DENND5B: variants seen among roughly 807,000 people sequenced by gnomAD.
DENND5B encodes the protein DENN domain-containing protein 5B.
In DENND5B, 34 loss-of-function variants were observed where a neutral mutation model predicts 140.6. That is an observed-to-expected ratio of 0.24 (90% CI 0.18 to 0.32). DENND5B has a LOEUF of 0.32. DENND5B is among the 10% of genes least tolerant of loss of function. The probability of loss-of-function intolerance (pLI) is 1.00; values close to 1 mark genes in which losing one functional copy is unlikely to be tolerated. For missense variants in DENND5B, 1,142 were observed against 1,560.2 expected (o/e 0.73, Z 4.52); for synonymous variants, 551 against 562.1 (o/e 0.98, Z 0.28).
At chr12:31,399,601 A>T in intron 16 of DENND5B, 53 bp downstream of exon 16, 1 of 1,431,178 alleles carries the variant, frequency 7.0e-7, no homozygotes, top group Non-Finnish European at 9.7e-7. Flanking sequence ...ACCTTTTCTT[A>T]CCTGAAGAGT....
In DENND5B at chr12:31,494,207, CCTACCTACCTACCTCTACCT is replaced by C. The variant is rs1565635640; in HGVS notation, c.237+1583_237+1602del. Among the ~76,000 whole-genome samples, 5 of 75,000 alleles carry C rather than the reference CCTACCTACCTACCTCTACCT, an allele frequency of 6.7e-5. No homozygotes were observed. In the East Asian group the frequency reaches 1.4e-3, roughly 21 times the overall value. 49.2% of individuals were successfully genotyped at this position (75,000 alleles called of 152,430 possible). On this transcript the variant is annotated intron_variant, in intron 2 of 20. Transcript: ENST00000389082. ...ATCCATCCATCCATCCATCCACCTACCTACCTACCTACCTCTACCTACCTACCTACCTACCTACCTACCTA... is the reference window on the plus strand; with the variant it reads ...ATCCATCCATCCATCCATCCACCTACACCTACCTACCTACCTACCTACCTA...
intron 1 of DENND5B, among the ~76,000 whole-genome samples, chr12:31,573,568 T>C (rs1214790088): frequency 6.6e-6 from 1 of 152,262 alleles, no homozygotes; most frequent in East Asian, 1.9e-4. Flanking sequence ...TGCTTAGAGA[T>C]TTCATTCCAG....
intron 1 of DENND5B, among the ~76,000 whole-genome samples, chr12:31,527,724 G>C (rs976884872): frequency 2.0e-5 from 3 of 152,092 alleles, no homozygotes; most frequent in African/African-American, 7.2e-5. Flanking sequence ...GTTGCAGTGA[G>C]CTGAGATCAT....
intron 6 of DENND5B, 26 bp downstream of exon 6, chr12:31,447,512 T>A: frequency 6.4e-7 from 1 of 1,569,814 alleles, no homozygotes; most frequent in South Asian, 1.2e-5. Flanking sequence ...GATTTTAATT[T>A]AATTTAAAAG....
chr12:31,491,258 G>A (rs1469651348), intron 2 of DENND5B, among the ~76,000 whole-genome samples: 8 of 152,098 alleles, frequency 5.3e-5, no homozygotes, highest in Non-Finnish European at 1.2e-4. Flanking sequence ...TTTGAGACCA[G>A]CCTGGCCAAC....
At chr12:31,514,475 G>A (rs955262675) in intron 1 of DENND5B, among the ~76,000 whole-genome samples, 3 of 152,164 alleles carry the variant, frequency 2.0e-5, no homozygotes, top group African/African-American at 7.2e-5. Flanking sequence ...TACCTTGTTT[G>A]TACAAATTCT....
chr12:31,547,463 A>G (rs1948901285), intron 1 of DENND5B, among the ~76,000 whole-genome samples: 1 of 152,082 alleles, frequency 6.6e-6, no homozygotes, highest in Non-Finnish European at 1.5e-5. Context: ...CAGTGGCACA[A>G]TCTTGGCTCA....
chr12:31,470,076 T>C (rs1945474043), intron 3 of DENND5B, among the ~76,000 whole-genome samples: 1 of 150,334 alleles, frequency 6.7e-6, no homozygotes, highest in African/African-American at 2.4e-5. Context: ...GCCTCCCAAG[T>C]AGCTGGGACT....
chr12:31,580,855 C>T (rs1211276022), intron 1 of DENND5B, among the ~76,000 whole-genome samples: 3 of 152,112 alleles, frequency 2.0e-5, no homozygotes, highest in Non-Finnish European at 4.4e-5. Context: ...CCTGTAATCC[C>T]AGCACTTTGA....
chr12:31,572,232 A>T (rs1465167740), intron 1 of DENND5B, among the ~76,000 whole-genome samples: 4 of 152,082 alleles, frequency 2.6e-5, no homozygotes, highest in African/African-American at 9.7e-5. Context: ...CTCAAAAAAA[A>T]AAAGAAAAAA....
At chr12:31,544,079 G>A (rs1046704151) in intron 1 of DENND5B, among the ~76,000 whole-genome samples, 1 of 152,092 alleles carries the variant, frequency 6.6e-6, no homozygotes, top group African/African-American at 2.4e-5. Flanking sequence ...CACAAGAATC[G>A]CTTGAACCTG....
rs1941185781 is a variant in DENND5B, at chr12:31,392,235, A to ACCTTAATGT, written c.3466+23_3466+31dup. 2.5e-6 allele frequency: 4 copies of ACCTTAATGT among 1,610,410 alleles called. No homozygotes were observed. In the East Asian group the frequency reaches 8.9e-5, roughly 36 times the overall value. ...TGAGTTCCTAAGAAAGGCTTCAGTG[A>ACCTTAATGT]CCTTAATGTAATACACATCTACTTT... On this transcript the variant is annotated intron_variant, in intron 19 of 20. Transcript: ENST00000389082.
At chr12:31,525,083 C>G (rs964874736) in intron 1 of DENND5B, among the ~76,000 whole-genome samples, 4 of 152,206 alleles carry the variant, frequency 2.6e-5, no homozygotes, top group African/African-American at 9.6e-5. Flanking sequence ...GACATTAACA[C>G]ATGTTGGCTT....
intron 1 of DENND5B, chr12:31,534,905 G>C: frequency 1.9e-5 from 7 of 372,462 alleles, no homozygotes; most frequent in South Asian, 1.6e-4. Context: ...ATGCAAAGGG[G>C]TCAAGAGGCT....
intron 14 of DENND5B, among the ~76,000 whole-genome samples, chr12:31,405,221 G>GT (rs56239506): frequency 0.016 from 2,207 of 141,760 alleles, 13 homozygotes; most frequent in African/African-American, 0.024. Flanking sequence ...AAATTTTAAA[G>GT]TTTTTTTTTT....
chr12:31,547,443 G>C lies in DENND5B; in HGVS notation c.127+43263C>G, dbSNP rs571661393. ...TTTGAGACAGAGTCTCGGTCACCCA[G>C]GCTGGAGTGCAGTGGCACAATCTTG... is the stretch of plus-strand genomic sequence containing the variant. On this transcript the variant is annotated intron_variant, in intron 1 of 20. Coordinates refer to ENST00000389082, the MANE Select transcript of DENND5B (RefSeq NM_144973.4). Among the ~76,000 whole-genome samples the C allele has an allele frequency of 1.6e-3, 243 of 152,304 alleles. 1 individual carries two copies. The highest frequency in any genetic ancestry group is 3.4e-3 in the Middle Eastern group (1 of 294).
At chr12:31,579,796 G>C (rs1222592936) in intron 1 of DENND5B, among the ~76,000 whole-genome samples, 4 of 147,880 alleles carry the variant, frequency 2.7e-5, no homozygotes, top group Non-Finnish European at 4.5e-5. Context: ...GAGGGAGGGA[G>C]GGAGGAGAGA....
chr12:31,581,902 A>T (rs971837273), intron 1 of DENND5B, among the ~76,000 whole-genome samples: 6 of 152,184 alleles, frequency 3.9e-5, no homozygotes, highest in Non-Finnish European at 7.3e-5. Context: ...CAGATAACAT[A>T]CGCACATTCT....
In DENND5B at chr12:31,398,209, TCTC is replaced by T; in HGVS notation, c.3219_3221del (p.Arg1074del). ...TTCCTGTCAGTGAAGTGATGCTCAA[TCTC>T]CTAGCCGTGGTGGGTGACTTCTGCT... On this transcript the variant is annotated inframe_deletion, in exon 17 of 21. Coordinates refer to ENST00000389082, the MANE Select transcript of DENND5B (RefSeq NM_144973.4). 6.2e-7 allele frequency: 1 copy of T among 1,604,672 alleles called. No homozygotes were observed. Among genetic ancestry groups the T allele is most frequent in the South Asian group, 1.1e-5 (1 of 88,806 alleles).
Sources: gnomAD v4.1 joint callset for allele counts (sites outside exome capture counted in the v4.1 genomes callset) on GRCh38, gnomAD v4.1.1 for gene constraint, MANE v1.5 for transcripts, NCBI Gene and HGNC (gene_info 2026-07-23, HGNC 2026-07-21) for gene names.